The following CNOT1 variants were observed in gnomAD, a reference collection of about 807,000 sequenced individuals.
CNOT1 encodes CCR4-associated factor 1.
CNOT1 carries 15 observed loss-of-function variants against 273.8 expected under a neutral mutation model. The ratio of observed to expected loss-of-function variants is 0.05; its 90% CI spans 0.04 to 0.08. CNOT1 has a LOEUF of 0.08. CNOT1 is among the 10% of genes least tolerant of loss of function. CNOT1 has a pLI of 1.00. For missense variants in CNOT1, 1,644 were observed against 2,912.2 expected, an observed-to-expected ratio of 0.56 and a Z score of 10.02; for synonymous variants, 1,022 against 1,005.5, an observed-to-expected ratio of 1.02 and a Z score of -0.31.
intron 2 of CNOT1, among the ~76,000 whole-genome samples, chr16:58,589,724 C>T (rs1222231620): frequency 2.0e-5 from 3 of 152,270 alleles, no homozygotes; most frequent in Non-Finnish European, 4.4e-5. Flanking sequence ...TGTAATGCTA[C>T]GTGGCACAGC....
rs139244863 is a variant in CNOT1, at chr16:58,572,946, A to G, written c.1979+1663T>C. Among the ~76,000 whole-genome samples the G allele has an allele frequency of 1.4e-4, 21 of 151,520 alleles. No individual in the cohort carries two copies. The East Asian group carries it at 3.9e-3, about 28-fold the overall frequency. Reference sequence around the variant, plus strand: ...GAAAAAAAAATTAAGTTAAATAAATAAAATAATTAATAAATTTAACAAAAT... The same window carrying G: ...GAAAAAAAAATTAAGTTAAATAAATGAAATAATTAATAAATTTAACAAAAT... On this transcript the variant is annotated intron_variant, in intron 16 of 48. Coordinates refer to ENST00000317147, the MANE Select transcript of CNOT1 (RefSeq NM_016284.5).
At chr16:58,524,627 C>CA (rs2039524652) in intron 46 of CNOT1, among the ~76,000 whole-genome samples, 1 of 151,954 alleles carries the variant, frequency 6.6e-6, no homozygotes, top group African/African-American at 2.4e-5. Context: ...TATATGTATG[C>CA]AAAACTGGAC....
At chr16:58,615,269 G>T (rs1383217592) in intron 1 of CNOT1, among the ~76,000 whole-genome samples, 2 of 125,388 alleles carry the variant, frequency 1.6e-5, no homozygotes, top group East Asian at 1.9e-4. Context: ...AGTAAACAGG[G>T]AGATGCAGAG....
chr16:58,527,979 GGCGA>G, intron 44 of CNOT1: 1 of 336,626 alleles, frequency 3.0e-6, no homozygotes, highest in South Asian at 2.3e-5. Flanking sequence ...CAGGTGTGGT[GGCGA>G]GTGCCTGTAA....
At chr16:58,589,190 C>A (rs2041970572) in intron 2 of CNOT1, among the ~76,000 whole-genome samples, 1 of 152,152 alleles carries the variant, frequency 6.6e-6, no homozygotes, top group Non-Finnish European at 1.5e-5. Context: ...GCATACACCA[C>A]TGCTTCCAGC....
At position 58,543,587 on chromosome 16, in the gene CNOT1, C is replaced by G; in HGVS notation, c.4434+20G>C. ...GCAGTAATACGTTTTGTACCTATAC[C>G]AAGGAAATAGCCAACTTACACGAAG... On this transcript the variant is annotated intron_variant, in intron 31 of 48. Transcript: ENST00000317147. 6.2e-7 allele frequency: 1 copy of G among 1,614,016 alleles called. No individual in the cohort carries two copies. The highest frequency in any genetic ancestry group is 8.5e-7 in the Non-Finnish European group (1 of 1,180,000).
At chr16:58,629,090 G>A (rs1488737113) in intron 1 of CNOT1, among the ~76,000 whole-genome samples, 2 of 152,250 alleles carry the variant, frequency 1.3e-5, no homozygotes, top group African/African-American at 4.8e-5. Context: ...CGCGCGAGTG[G>A]AACAAAACCT....
At chr16:58,585,821 A>G (rs1332074204) in intron 7 of CNOT1, among the ~76,000 whole-genome samples, 1 of 152,218 alleles carries the variant, frequency 6.6e-6, no homozygotes, top group African/African-American at 2.4e-5. Context: ...ATACAAAGAA[A>G]GCATCAAAAA....
rs1220626932 is a variant in CNOT1, at chr16:58,547,500, C to G, written c.3639+66G>C. Reference sequence around the variant, plus strand: ...CCAATAATCATTAAATAGCTCCAAACAGCCAATACTTGTAATCATAATGTG... The same window carrying G: ...CCAATAATCATTAAATAGCTCCAAAGAGCCAATACTTGTAATCATAATGTG... On this transcript the variant is annotated intron_variant, in intron 26 of 48. Coordinates refer to ENST00000317147, the MANE Select transcript of CNOT1 (RefSeq NM_016284.5). The surrounding 1 kb of genome is among the most constrained non-coding windows in gnomAD (Gnocchi z 4.0). 2.6e-6 allele frequency: 4 copies of G among 1,549,822 alleles called. No individual in the cohort carries two copies. The East Asian group carries it at 6.8e-5, about 26-fold the overall frequency.
rs1367159628 is a variant in CNOT1, at chr16:58,579,082, CTCTT to C, written c.1344-147_1344-144del. 2.8e-6 allele frequency: 4 copies of C among 1,423,332 alleles called. No homozygotes were observed. The South Asian group carries it at 4.5e-5, about 16-fold the overall frequency. 88.2% of individuals were successfully genotyped at this position (1,423,332 alleles called of 1,614,324 possible). Reference sequence around the variant, plus strand: ...TTAGAAGTTTGAAGTCCACAGCACTCTCTTTAAGAATTATTTTTGCCCCAAGAGG... The same window carrying C: ...TTAGAAGTTTGAAGTCCACAGCACTCTAAGAATTATTTTTGCCCCAAGAGG... On this transcript the variant is annotated intron_variant, in intron 12 of 48. Transcript: ENST00000317147.
intron 1 of CNOT1, among the ~76,000 whole-genome samples, chr16:58,622,241 G>C (rs967665259): frequency 2.7e-5 from 4 of 149,350 alleles, no homozygotes; most frequent in African/African-American, 9.9e-5. Context: ...GTGAACCCGG[G>C]TAGCACAGCT....
At chr16:58,591,903 T>C (rs2042071593) in intron 2 of CNOT1, among the ~76,000 whole-genome samples, 1 of 152,092 alleles carries the variant, frequency 6.6e-6, no homozygotes, top group African/African-American at 2.4e-5. Flanking sequence ...CCATTCCATA[T>C]AATTTTCGAA....
Position 58,578,788 on chromosome 16 carries a change from G to A in CNOT1, c.1495C>T (p.Arg499Cys), listed in dbSNP as rs751379476. 1.2e-5 allele frequency: 20 copies of A among 1,614,100 alleles called. No homozygotes were observed. Among genetic ancestry groups the A allele is most frequent in the East Asian group, 2.2e-5 (1 of 44,878 alleles). Residue 499 changes from arginine to cysteine, a missense_variant, in exon 13 of 49, where the codon CGC becomes TGC. Transcript: ENST00000317147. ...LQINTSWHTL[R>C]HELISTLMPI... ...ATCAGAGTGGAGATAAGTTCATGGC[G>A]CAAGGTATGCCAAGAGGTGTTAATT... is the stretch of plus-strand genomic sequence containing the variant.
At chr16:58,543,426 A>G in intron 31 of CNOT1, 181 bp downstream of exon 31, 3 of 1,486,838 alleles carry the variant, frequency 2.0e-6, no homozygotes, top group Non-Finnish European at 2.7e-6. Context: ...AAAAAAAAAC[A>G]CACAGACATG....
intron 1 of CNOT1, among the ~76,000 whole-genome samples, chr16:58,616,539 G>T (rs1042060336): frequency 6.6e-6 from 1 of 152,200 alleles, no homozygotes; most frequent in African/African-American, 2.4e-5. Context: ...TTACAGGTGT[G>T]AGCCACAGCA....
chr16:58,558,344 G>A, intron 18 of CNOT1, 129 bp downstream of exon 18: 1 of 1,471,536 alleles, frequency 6.8e-7, no homozygotes, highest in Non-Finnish European at 9.1e-7. Flanking sequence ...TTTGGATACT[G>A]AAGTAGCTTT....
rs1371561545 is a variant in CNOT1 at position 58,532,433 on chromosome 16, G to A, written c.5896-38C>T. 3 of 1,598,348 alleles carry A rather than the reference G, an allele frequency of 1.9e-6. No homozygotes were observed. In the Admixed American group the frequency reaches 5.1e-5, roughly 27 times the overall value. On this transcript the variant is annotated intron_variant, in intron 40 of 48. Transcript: ENST00000317147. Reference sequence around the variant, plus strand: ...CAAATCAGAGCTTGTAAATCATTCAGATAATCCACTCACCACTTCGATGTC... The same window carrying A: ...CAAATCAGAGCTTGTAAATCATTCAAATAATCCACTCACCACTTCGATGTC...
chr16:58,547,838 T>A lies in CNOT1; in HGVS notation c.3523-156A>T, dbSNP rs988838492. ...ATTACTCTGTATATCATTCTCAATA[T>A]CATTTTGCTGTGTTTATGATTCAAC... On this transcript the variant is annotated intron_variant, in intron 25 of 48. Coordinates refer to ENST00000317147, the MANE Select transcript of CNOT1 (RefSeq NM_016284.5). The surrounding 1 kb of genome is among the most constrained non-coding windows in gnomAD (Gnocchi z 4.0). 6.6e-6 allele frequency among the ~76,000 whole-genome samples: 1 copy of A among 152,358 alleles called. No individual in the cohort carries two copies. The highest frequency in any genetic ancestry group is 1.9e-4 in the East Asian group (1 of 5,192).
At chr16:58,539,688 A>C (rs1469512340) in intron 35 of CNOT1, 80 bp downstream of exon 35, 3 of 1,357,064 alleles carry the variant, frequency 2.2e-6, no homozygotes, top group African/African-American at 2.9e-5. Flanking sequence ...GCATAACTGC[A>C]TAAATATGTA....
Sources: gnomAD v4.1 joint callset for allele counts (sites outside exome capture counted in the v4.1 genomes callset) on GRCh38, gnomAD v4.1.1 for gene constraint, Gnocchi (gnomAD v3.1) non-coding constraint, MANE v1.5 for transcripts, NCBI Gene and HGNC (gene_info 2026-07-23, HGNC 2026-07-21) for gene names.